COL6A6: variants seen among roughly 807,000 people sequenced by gnomAD.
The protein encoded by COL6A6 is collagen type VI alpha 6 chain.
COL6A6 carries 183 observed loss-of-function variants against 208.6 expected under a neutral mutation model. The observed-to-expected ratio is 0.88, with a 90% confidence interval of 0.78 to 0.99. The LOEUF is 0.99. Among genes scored for constraint, COL6A6 ranks in the 50% least tolerant of loss-of-function variants. COL6A6 has a pLI of 0.00. For synonymous variants in COL6A6, 973 were observed against 1,011.8 expected, an observed-to-expected ratio of 0.96 and a Z score of 0.73; for missense variants, 2,816 against 2,815.2, an observed-to-expected ratio of 1.00 and a Z score of -0.01.
At chr3:130,600,021 G>A (rs540175133) in intron 20 of COL6A6, among the ~76,000 whole-genome samples, 53 of 152,274 alleles carry the variant, frequency 3.5e-4, no homozygotes, top group African/African-American at 1.1e-3. Context: ...AGAGCAGATC[G>A]CCAGTCAGGA....
chr3:130,543,409 T>C lies in COL6A6; in HGVS notation c.-31-16925T>C, dbSNP rs555445562. On this transcript the variant is annotated intron_variant, in intron 1 of 36. Transcript: ENST00000358511. ...GTTTCTATTCGATGCCCTTTTTCTTTGTTCCTATTTTTATCTTCCATTCTT... is the reference window on the plus strand; with the variant it reads ...GTTTCTATTCGATGCCCTTTTTCTTCGTTCCTATTTTTATCTTCCATTCTT... Among the ~76,000 whole-genome samples, 18 of 152,364 alleles carry C rather than the reference T, an allele frequency of 1.2e-4. No homozygotes were observed. In the South Asian group the frequency reaches 3.5e-3, roughly 30 times the overall value.
intron 28 of COL6A6, among the ~76,000 whole-genome samples, chr3:130,638,309 C>A (rs775589917): frequency 2.6e-5 from 4 of 152,196 alleles, no homozygotes; most frequent in African/African-American, 9.7e-5. Context: ...ACTGATTCCT[C>A]CTGCTATAAA....
At chr3:130,590,280 TA>T (rs2063651400) in intron 12 of COL6A6, among the ~76,000 whole-genome samples, 17 of 22,370 alleles carry the variant, frequency 7.6e-4, no homozygotes, top group African/African-American at 1.9e-3. Context: ...TATATATATA[TA>T]TATATATATA....
chr3:130,614,762 A>G (rs958163628), intron 23 of COL6A6, among the ~76,000 whole-genome samples: 1 of 152,052 alleles, frequency 6.6e-6, no homozygotes, highest in African/African-American at 2.4e-5. Context: ...CCAGGAATTT[A>G]TCTATTACTT....
At chr3:130,534,596 G>A (rs7651684) in intron 1 of COL6A6, among the ~76,000 whole-genome samples, 106,219 of 151,994 alleles carry the variant, frequency 0.7, 41,078 homozygotes, top group Non-Finnish European at 0.87. Flanking sequence ...TCAGAGTTTA[G>A]TCTTAGTAAA....
At chr3:130,644,661 G>A (rs2108379471) in intron 31 of COL6A6, among the ~76,000 whole-genome samples, 1 of 152,264 alleles carries the variant, frequency 6.6e-6, no homozygotes, top group Non-Finnish European at 1.5e-5. Context: ...AGTAAAGAGA[G>A]GTTGGATCTT....
intron 1 of COL6A6, among the ~76,000 whole-genome samples, chr3:130,538,793 T>C (rs1043069446): frequency 8.5e-5 from 13 of 152,288 alleles, no homozygotes; most frequent in African/African-American, 2.4e-4. Context: ...TGATTCTGCC[T>C]GTGCCTCGAA....
Position 130,593,249 on chromosome 3 carries a change from T to C in COL6A6, c.4467T>C (p.Ser1489=), listed in dbSNP as rs759229881. 6.2e-7 allele frequency: 1 copy of C among 1,610,770 alleles called. No individual in the cohort carries two copies. The highest frequency in any genetic ancestry group is 1.7e-5 in the Admixed American group (1 of 60,014). Reference sequence around the variant, plus strand: ...AAGGAGAAAAGGGAGATGAGGGATCTCAGGTAGGGATTTGAAAAGGAAGAA... The same window carrying C: ...AAGGAGAAAAGGGAGATGAGGGATCCCAGGTAGGGATTTGAAAAGGAAGAA... ...GRKGEKGDEG[S]QGSPGKRGTP... The change falls in exon 17 of 37, where the codon TCT becomes TCC. Residue 1489 remains serine, a synonymous_variant. Transcript: ENST00000358511.
At chr3:130,645,893 C>A (rs2065450410) in intron 32 of COL6A6, among the ~76,000 whole-genome samples, 1 of 152,200 alleles carries the variant, frequency 6.6e-6, no homozygotes, top group Non-Finnish European at 1.5e-5. Context: ...AGCCCACAAA[C>A]CCATGTCCTC....
intron 20 of COL6A6, among the ~76,000 whole-genome samples, chr3:130,600,301 G>A (rs2063974916): frequency 6.6e-6 from 1 of 152,220 alleles, no homozygotes; most frequent in Non-Finnish European, 1.5e-5. Flanking sequence ...GTGGAAGACA[G>A]TATGACAATT....
At chr3:130,634,309 T>G (rs1256153659) in intron 26 of COL6A6, among the ~76,000 whole-genome samples, 1 of 150,492 alleles carries the variant, frequency 6.6e-6, no homozygotes, top group Non-Finnish European at 1.5e-5. Context: ...CCTATGCGGT[T>G]ATATGCATAC....
Position 130,552,092 on chromosome 3 carries a change from G to T in COL6A6, c.-31-8242G>T, listed in dbSNP as rs184409386. 9.9e-5 allele frequency among the ~76,000 whole-genome samples: 15 copies of T among 152,238 alleles called. No individual in the cohort carries two copies. The East Asian group carries it at 2.9e-3, about 29-fold the overall frequency. Reference sequence around the variant, plus strand: ...TTGATTTTAGAGTATGTGCCATGTGGTGATGAAAATAATGTATATTCTATT... The same window carrying T: ...TTGATTTTAGAGTATGTGCCATGTGTTGATGAAAATAATGTATATTCTATT... On this transcript the variant is annotated intron_variant, in intron 1 of 36. Coordinates refer to ENST00000358511, the MANE Select transcript of COL6A6 (RefSeq NM_001102608.3).
chr3:130,609,732 A>G (rs1263030760), intron 22 of COL6A6, among the ~76,000 whole-genome samples: 1 of 151,066 alleles, frequency 6.6e-6, no homozygotes, highest in African/African-American at 2.5e-5. Flanking sequence ...CGGCTCTGCT[A>G]TTTTTCAAAC....
chr3:130,599,013 G>T (rs1227406813), intron 19 of COL6A6, among the ~76,000 whole-genome samples: 1 of 152,178 alleles, frequency 6.6e-6, no homozygotes, highest in Admixed American at 6.5e-5. Flanking sequence ...CGATAAAGTG[G>T]AAAGAACTGT....
At chr3:130,657,476 C>T (rs1404562610) in intron 33 of COL6A6, among the ~76,000 whole-genome samples, 6 of 152,210 alleles carry the variant, frequency 3.9e-5, no homozygotes, top group Admixed American at 1.3e-4. Flanking sequence ...GATTACGGTT[C>T]GGGCTTTGCC....
chr3:130,527,463 C>T (rs2061984588), intron 1 of COL6A6, among the ~76,000 whole-genome samples: 1 of 152,156 alleles, frequency 6.6e-6, no homozygotes, highest in Non-Finnish European at 1.5e-5. Flanking sequence ...TCAGCACCCC[C>T]CGCCAAGGGC....
At chr3:130,585,152 A>G (rs1184669989) in intron 10 of COL6A6, among the ~76,000 whole-genome samples, 4 of 152,246 alleles carry the variant, frequency 2.6e-5, no homozygotes, top group Non-Finnish European at 5.9e-5. Flanking sequence ...TTTACCCATC[A>G]ATAATAAAAT....
intron 1 of COL6A6, among the ~76,000 whole-genome samples, chr3:130,536,845 G>T (rs2062236859): frequency 6.6e-6 from 1 of 152,208 alleles, no homozygotes; most frequent in Non-Finnish European, 1.5e-5. Flanking sequence ...TGAATAATAT[G>T]TAATTGGCCA....
At chr3:130,589,349 G>A (rs896469902) in intron 12 of COL6A6, among the ~76,000 whole-genome samples, 167 bp downstream of exon 12, 5 of 152,130 alleles carry the variant, frequency 3.3e-5, no homozygotes, top group Non-Finnish European at 4.4e-5. Flanking sequence ...ATTTTCCTTG[G>A]CATTCTAAAT....
Sources: allele counts gnomAD v4.1 joint callset (sites outside exome capture counted in the v4.1 genomes callset), GRCh38; gene constraint gnomAD v4.1.1; transcripts MANE v1.5; gene names NCBI Gene and HGNC (gene_info 2026-07-23, HGNC 2026-07-21).